Variants in MMP16 observed in about 807,000 individuals in gnomAD.
MMP16 encodes the protein matrix metallopeptidase 16.
A neutral mutation model predicts 67.8 loss-of-function variants in MMP16; 12 were observed. That is an observed-to-expected ratio of 0.18 (90% confidence interval 0.11 to 0.29). MMP16 has a LOEUF of 0.29. MMP16 is among the 10% of genes least tolerant of loss of function. The pLI is 1.00. For synonymous variants in MMP16, 249 were observed against 255.9 expected (o/e 0.97, Z 0.26); for missense variants, 475 against 765.7 (o/e 0.62, Z 4.48).
chr8:88,038,752 C>T lies in MMP16; in HGVS notation c.*2709G>A, dbSNP rs1046174176. On this transcript the variant is annotated 3_prime_UTR_variant, in exon 10 of 10. Transcript: ENST00000286614. The surrounding 1 kb of genome is among the most constrained non-coding windows in gnomAD (Gnocchi z 4.1). ...AGCAGTGACTAACTCTTTATAATAT[C>T]AGCATCATCTAGAATGGAAGCACTG... 1 of 152,564 alleles carries T rather than the reference C, an allele frequency of 6.6e-6. No homozygotes were observed. Among genetic ancestry groups the T allele is most frequent in the Non-Finnish European group, 1.5e-5 (1 of 68,016 alleles). The allele number at this position is 152,564 out of a possible 1,614,324, so 9.5% of individuals were successfully genotyped here. A position where few individuals can be genotyped will look rare whatever the true frequency, so the allele number is the denominator to read the frequency against.
chr8:88,206,103 C>T (rs976200820), intron 1 of MMP16, among the ~76,000 whole-genome samples: 19 of 151,932 alleles, frequency 1.3e-4, no homozygotes, highest in Admixed American at 5.2e-4. Context: ...CTCTCATTGC[C>T]CAACTAGGGT....
At chr8:88,191,743 G>T (rs975428810) in intron 2 of MMP16, among the ~76,000 whole-genome samples, 3 of 152,124 alleles carry the variant, frequency 2.0e-5, no homozygotes, top group African/African-American at 7.2e-5. Context: ...TTAATAAGTT[G>T]GGCATTCATG....
chr8:88,251,607 C>A, intron 1 of MMP16, among the ~76,000 whole-genome samples: 2 of 127,898 alleles, frequency 1.6e-5, no homozygotes, highest in African/African-American at 6.3e-5. Flanking sequence ...TCTAAAACAC[C>A]AAAAGCAATG....
intron 7 of MMP16, among the ~76,000 whole-genome samples, chr8:88,057,685 C>T (rs1387953719): frequency 1.3e-5 from 2 of 152,130 alleles, no homozygotes; most frequent in Non-Finnish European, 2.9e-5. Context: ...AAAAACCACA[C>T]ATCTTTAGGC....
intron 4 of MMP16, among the ~76,000 whole-genome samples, chr8:88,166,711 A>ATATATC (rs1808718886): frequency 7.3e-6 from 1 of 137,594 alleles, no homozygotes; most frequent in South Asian, 2.3e-4. Context: ...ATATATATAT[A>ATATATC]TATATATATA....
At chr8:88,253,071 C>T (rs1181571680) in intron 1 of MMP16, among the ~76,000 whole-genome samples, 1 of 152,032 alleles carries the variant, frequency 6.6e-6, no homozygotes, top group East Asian at 1.9e-4. Context: ...TCTTTTTCTC[C>T]ATCTCCTTAA....
At chr8:88,157,949 G>T (rs1041519741) in intron 4 of MMP16, among the ~76,000 whole-genome samples, 6 of 151,166 alleles carry the variant, frequency 4.0e-5, no homozygotes, top group Non-Finnish European at 8.8e-5. Context: ...GCAATAGTTT[G>T]CTGAGAAGGA....
chr8:88,092,888 T>C lies in MMP16; in HGVS notation c.1084-18145A>G, dbSNP rs527623891. Among the ~76,000 whole-genome samples, 3 of 151,976 alleles carry C rather than the reference T, an allele frequency of 2.0e-5. No homozygotes were observed. In the South Asian group the frequency reaches 6.2e-4, roughly 31 times the overall value. ...AAAGTTAGCCTTTAATGGATGAGAC[T>C]GACCATCTGTATCTGTAACCCACTC... is the stretch of plus-strand genomic sequence containing the variant. On this transcript the variant is annotated intron_variant, in intron 6 of 9. Transcript: ENST00000286614.
chr8:88,292,960 T>C (rs1810949944), intron 1 of MMP16, among the ~76,000 whole-genome samples: 2 of 152,106 alleles, frequency 1.3e-5, no homozygotes, highest in African/African-American at 2.4e-5. Flanking sequence ...TTCTGAAAAA[T>C]GCACATATAA....
chr8:88,065,051 C>A (rs1449777415), intron 7 of MMP16, among the ~76,000 whole-genome samples: 1 of 152,094 alleles, frequency 6.6e-6, no homozygotes, highest in Non-Finnish European at 1.5e-5. Context: ...TAAAGCCTGG[C>A]CATTTTTGCT....
chr8:88,149,331 G>C (rs371950482), intron 4 of MMP16, among the ~76,000 whole-genome samples: 11 of 152,188 alleles, frequency 7.2e-5, no homozygotes, highest in East Asian at 1.9e-4. Flanking sequence ...CAAAGCAGCC[G>C]GGAACCTCGA....
intron 6 of MMP16, among the ~76,000 whole-genome samples, chr8:88,102,230 C>A (rs1465523402): frequency 6.6e-6 from 1 of 151,830 alleles, no homozygotes; most frequent in Non-Finnish European, 1.5e-5. Flanking sequence ...CCTCTTCAGA[C>A]AAGCAGTGGC....
intron 1 of MMP16, among the ~76,000 whole-genome samples, chr8:88,247,778 C>A (rs1469599089): frequency 6.6e-6 from 1 of 152,034 alleles, no homozygotes; most frequent in Non-Finnish European, 1.5e-5. Flanking sequence ...CATCTTTAAT[C>A]ATTTCATCTT....
intron 9 of MMP16, among the ~76,000 whole-genome samples, chr8:88,045,182 T>C (rs957892267): frequency 1.3e-5 from 2 of 152,236 alleles, no homozygotes; most frequent in African/African-American, 4.8e-5. Flanking sequence ...GCCTACAGTG[T>C]TCCACTTGTG....
At chr8:88,224,918 C>T (rs1294771304) in intron 1 of MMP16, among the ~76,000 whole-genome samples, 1 of 151,732 alleles carries the variant, frequency 6.6e-6, no homozygotes, top group Non-Finnish European at 1.5e-5. Flanking sequence ...TCCGGAATAC[C>T]CATTAACATC....
At position 88,237,959 on chromosome 8, in the gene MMP16, A is replaced by G. The variant is rs762917222; in HGVS notation, c.133-40653T>C. ...CTCTTTCATAAAAAACTGGGTCATC[A>G]GTCAATCTAAAGTTGGCAGGATGAA... On this transcript the variant is annotated intron_variant, in intron 1 of 9. Coordinates refer to ENST00000286614, the MANE Select transcript of MMP16 (RefSeq NM_005941.5). Among the ~76,000 whole-genome samples the G allele has an allele frequency of 2.0e-5, 3 of 152,364 alleles. No homozygotes were observed. The South Asian group carries it at 6.2e-4, about 32-fold the overall frequency.
intron 3 of MMP16, among the ~76,000 whole-genome samples, chr8:88,177,071 CATA>C (rs1808904923): frequency 6.6e-6 from 1 of 152,138 alleles, no homozygotes; most frequent in African/African-American, 2.4e-5. Flanking sequence ...AATAAAAATT[CATA>C]ATTTTCTCCA....
chr8:88,276,896 T>A (rs1166449941), intron 1 of MMP16, among the ~76,000 whole-genome samples: 1 of 152,156 alleles, frequency 6.6e-6, no homozygotes, highest in Non-Finnish European at 1.5e-5. Flanking sequence ...ATATAGTGAT[T>A]CAGTTGAATG....
chr8:88,231,796 G>A (rs1043253389), intron 1 of MMP16, among the ~76,000 whole-genome samples: 4 of 152,074 alleles, frequency 2.6e-5, no homozygotes, highest in African/African-American at 9.7e-5. Context: ...TTGAAAACAA[G>A]TTCTGTAATA....
Sources: gnomAD v4.1 joint callset for allele counts (sites outside exome capture counted in the v4.1 genomes callset) on GRCh38, gnomAD v4.1.1 for gene constraint, Gnocchi (gnomAD v3.1) non-coding constraint, MANE v1.5 for transcripts, NCBI Gene and HGNC (gene_info 2026-07-23, HGNC 2026-07-21) for gene names.